The following MXD3 variants were observed in gnomAD, a reference collection of about 807,000 sequenced individuals.
The protein encoded by MXD3 is MAX dimerization protein 3, also known as Max-associated protein 3.
MXD3 carries 20 observed loss-of-function variants against 27.5 expected under a neutral mutation model. The ratio of observed to expected loss-of-function variants is 0.73; its 90% confidence interval spans 0.51 to 1.06. The LOEUF (loss-of-function observed/expected upper bound fraction) is 1.06. Ranked by LOEUF, MXD3 falls within the 50% of genes least tolerant of loss-of-function variation. The pLI, the probability that MXD3 is intolerant of heterozygous loss-of-function variation, is 0.00. For missense variants in MXD3, 298 were observed against 291.3 expected, an observed-to-expected ratio of 1.02 and a Z score of -0.17; for synonymous variants, 150 against 130.7, an observed-to-expected ratio of 1.15 and a Z score of -1.01.
downstream of MXD3, chr5:177,306,954 G>T: frequency 1.9e-6 from 2 of 1,033,938 alleles, no homozygotes; most frequent in Non-Finnish European, 2.8e-6. Flanking sequence ...AATTCAGTTG[G>T]CCCCAGCTCT....
At chr5:177,311,352 C>T in intron 2 of MXD3, 27 bp downstream of exon 2, 1 of 1,403,748 alleles carries the variant, frequency 7.1e-7, no homozygotes, top group Non-Finnish European at 9.3e-7. Flanking sequence ...CCCCCACCCC[C>T]ACTCCCGCCG....
At chr5:177,310,758 AG>A (rs1457688796) in intron 2 of MXD3, 61 bp from the exon 3 acceptor site, 9 of 1,596,924 alleles carry the variant, frequency 5.6e-6, no homozygotes, top group Non-Finnish European at 7.7e-6. Context: ...CCCCAATCCC[AG>A]GGCCCCCAGT....
chr5:177,306,144 AG>A, downstream of MXD3: 2 of 1,613,908 alleles, frequency 1.2e-6, no homozygotes, highest in Non-Finnish European at 1.7e-6. Context: ...AAGACTATGA[AG>A]GGTTTTGAAT....
intron 4 of MXD3, 134 bp from the exon 5 acceptor site, chr5:177,308,098 C>T: frequency 1.2e-6 from 1 of 840,556 alleles, no homozygotes; most frequent in Non-Finnish European, 1.8e-6. Context: ...AAATCCAGGC[C>T]CCAGAGGGTT....
At chr5:177,312,677 T>C (rs539063943), upstream of MXD3, 21 of 985,334 alleles carry the variant, frequency 2.1e-5, no homozygotes, top group Admixed American at 7.4e-4. Context: ...GTGAGGAAGC[T>C]GTTGTTGCTA....
chr5:177,308,778 CAA>C (rs1467656494), intron 4 of MXD3, among the ~76,000 whole-genome samples: 1 of 152,164 alleles, frequency 6.6e-6, no homozygotes, highest in Non-Finnish European at 1.5e-5. Flanking sequence ...AGAGAACAAA[CAA>C]AGGCTACCAG....
At chr5:177,306,585 C>T (rs759779349), downstream of MXD3, 4 of 1,605,500 alleles carry the variant, frequency 2.5e-6, no homozygotes, top group Non-Finnish European at 1.7e-6. Flanking sequence ...TCTACCACCA[C>T]CACAGCACCC....
At position 177,310,549 on chromosome 5, in the gene MXD3, A is replaced by G; in HGVS notation, c.207-9T>C. On this transcript the variant is annotated splice_polypyrimidine_tract_variant and intron_variant, in intron 3 of 5. Coordinates refer to ENST00000439742, the MANE Select transcript of MXD3 (RefSeq NM_031300.4). Reference sequence around the variant, plus strand: ...GCTTCAACTGGGCCCTCCTGTGGGGAAGAGGTCTGGAGGGCAGTGCCAGCC... The same window carrying G: ...GCTTCAACTGGGCCCTCCTGTGGGGGAGAGGTCTGGAGGGCAGTGCCAGCC... 6.2e-7 allele frequency: 1 copy of G among 1,611,240 alleles called. No individual in the cohort carries two copies.
At chr5:177,310,810 C>G in intron 2 of MXD3, 113 bp from the exon 3 acceptor site, 1 of 1,246,900 alleles carries the variant, frequency 8.0e-7, no homozygotes, top group Non-Finnish European at 1.2e-6. Context: ...AAACAAGTCC[C>G]CTGTGGAGAG....
intron 1 of MXD3, 83 bp from the exon 2 acceptor site, chr5:177,311,567 A>G: frequency 1.6e-6 from 2 of 1,254,726 alleles, no homozygotes; most frequent in Non-Finnish European, 2.2e-6. Context: ...CGGTCAAGGA[A>G]AGGCTTTTGG....
Position 177,307,676 on chromosome 5 carries a change from A to C in MXD3, c.533T>G (p.Leu178Arg). The C allele has an allele frequency of 1.2e-6, 2 of 1,613,650 alleles. No homozygotes were observed. Among genetic ancestry groups the C allele is most frequent in the Non-Finnish European group, 1.7e-6 (2 of 1,179,904 alleles). Residue 178 changes from leucine to arginine, a missense_variant, in exon 6 of 6, where the codon CTG becomes CGG. Transcript: ENST00000439742. ...QEELEVDVESLVFGGEAELLR... is the reference protein window; with the variant it reads ...QEELEVDVESRVFGGEAELLR... ...CAGCTCGGCCTCACCCCCAAACACC[A>C]GGCTCTCCACATCCACCTCCAGCTC...
chr5:177,311,125 A>G, intron 2 of MXD3: 1 of 526,986 alleles, frequency 1.9e-6, no homozygotes, highest in Non-Finnish European at 3.3e-6. Flanking sequence ...GGGGTGCGGG[A>G]GTGCGAGTGG....
chr5:177,312,750 G>C (rs931520584), upstream of MXD3: 1 of 985,424 alleles, frequency 1.0e-6, no homozygotes, highest in African/African-American at 1.7e-5. Flanking sequence ...ACGCGAAATG[G>C]CCTTTTCCGG....
At chr5:177,311,646 G>T in intron 1 of MXD3, 115 bp downstream of exon 1, 1 of 1,221,302 alleles carries the variant, frequency 8.2e-7, no homozygotes, top group Non-Finnish European at 1.1e-6. Flanking sequence ...TGAGGGCGAG[G>T]CGCCCCGGGA....
At chr5:177,312,175 T>C (rs1223206648), upstream of MXD3, 3 of 1,029,520 alleles carry the variant, frequency 2.9e-6, no homozygotes, top group African/African-American at 5.2e-5. Flanking sequence ...CATTGGCGTC[T>C]TTGATCTCAG....
intron 4 of MXD3, 24 bp from the exon 5 acceptor site, chr5:177,307,988 G>A: frequency 4.0e-6 from 6 of 1,502,940 alleles, no homozygotes; most frequent in Non-Finnish European, 5.3e-6. Context: ...AGGAGCAAGG[G>A]GCTGGGGTCA....
chr5:177,306,624 T>A (rs1760885382), downstream of MXD3: 1 of 1,566,688 alleles, frequency 6.4e-7, no homozygotes, highest in Admixed American at 1.9e-5. Context: ...CTCTCTGCCC[T>A]CCCTTCATTG....
chr5:177,312,055 G>A, upstream of MXD3: 1 of 1,225,412 alleles, frequency 8.2e-7, no homozygotes, highest in Non-Finnish European at 1.0e-6. Flanking sequence ...AGTGGTCTCA[G>A]ACTTTCCAGG....
upstream of MXD3, chr5:177,312,699 G>T (rs1220998422): frequency 1.0e-6 from 1 of 985,250 alleles, no homozygotes; most frequent in Non-Finnish European, 1.2e-6. Context: ...GAAAACGTCA[G>T]TGGGGTAACA....
Sources: gnomAD v4.1 joint callset for allele counts (sites outside exome capture counted in the v4.1 genomes callset) on GRCh38, gnomAD v4.1.1 for gene constraint, MANE v1.5 for transcripts, NCBI Gene and HGNC (gene_info 2026-07-23, HGNC 2026-07-21) for gene names.